The following VOPP1 variants were observed in gnomAD, a reference collection of about 807,000 sequenced individuals.
The protein encoded by VOPP1 is VOPP1 WW domain binding protein.
Under a neutral mutation model 23.5 loss-of-function variants are expected in VOPP1, and 8 were observed. That is an observed-to-expected ratio of 0.34 (90% CI 0.20 to 0.61). VOPP1 has a LOEUF of 0.61. VOPP1 is among the 20% of genes least tolerant of loss of function. The pLI is 0.78. For missense variants in VOPP1, 174 were observed against 238.1 expected, an observed-to-expected ratio of 0.73 and a Z score of 1.77; for synonymous variants, 83 against 97.3, an observed-to-expected ratio of 0.85 and a Z score of 0.86.
intron 4 of VOPP1, among the ~76,000 whole-genome samples, chr7:55,441,977 T>C (rs764578534): frequency 3.9e-5 from 6 of 152,236 alleles, no homozygotes; most frequent in Non-Finnish European, 8.8e-5. Flanking sequence ...ATTCTCTTTA[T>C]TGTAAGCTCT....
chr7:55,563,594 G>A (rs1177380771), intron 1 of VOPP1, among the ~76,000 whole-genome samples: 3 of 152,180 alleles, frequency 2.0e-5, no homozygotes, highest in Non-Finnish European at 2.9e-5. Flanking sequence ...TTGGGGATGG[G>A]ACCCAAGTCT....
chr7:55,553,186 T>A (rs1446001901), intron 1 of VOPP1, among the ~76,000 whole-genome samples: 1 of 152,264 alleles, frequency 6.6e-6, no homozygotes, highest in Admixed American at 6.5e-5. Flanking sequence ...TGTGTTGCCC[T>A]AGCAGGAGGC....
At chr7:55,480,062 C>G (rs1228601192) in intron 4 of VOPP1, among the ~76,000 whole-genome samples, 3 of 152,294 alleles carry the variant, frequency 2.0e-5, no homozygotes, top group Admixed American at 2.0e-4. Flanking sequence ...TTGCTTAATT[C>G]AGTTTCCTAA....
At chr7:55,503,678 G>A (rs77283547) in intron 2 of VOPP1, among the ~76,000 whole-genome samples, 3 of 152,156 alleles carry the variant, frequency 2.0e-5, no homozygotes, top group East Asian at 1.9e-4. Context: ...TGAAGCCCTC[G>A]TGACAGGGTT....
intron 3 of VOPP1, 60 bp downstream of exon 3, chr7:55,497,553 A>C: frequency 1.1e-6 from 1 of 936,780 alleles, no homozygotes; most frequent in Non-Finnish European, 1.4e-6. Context: ...GACAACACTG[A>C]TGGGGGGGGG....
chr7:55,508,249 C>T (rs560929657), intron 2 of VOPP1, among the ~76,000 whole-genome samples: 11 of 152,128 alleles, frequency 7.2e-5, no homozygotes, highest in Non-Finnish European at 2.9e-5. Flanking sequence ...TACTGCTGAA[C>T]TTTGGTAACT....
At chr7:55,484,366 T>C (rs941465675) in intron 4 of VOPP1, among the ~76,000 whole-genome samples, 1 of 152,224 alleles carries the variant, frequency 6.6e-6, no homozygotes, top group Non-Finnish European at 1.5e-5. Context: ...TGCCAGTCTT[T>C]CTTCACTGAA....
chr7:55,445,238 C>CAG (rs1188052819), intron 4 of VOPP1, among the ~76,000 whole-genome samples: 15 of 139,030 alleles, frequency 1.1e-4, no homozygotes, highest in Admixed American at 2.4e-4. Context: ...CAGACACACA[C>CAG]ACACAGACAC....
At position 55,542,727 on chromosome 7, in the gene VOPP1, T is replaced by A. The variant is rs184955137; in HGVS notation, c.55-21597A>T. On this transcript the variant is annotated intron_variant, in intron 1 of 4. Transcript: ENST00000285279. ...ATCACTTGAACCCTAGAAGCAGAGGTTGCAGTGAACCGAGATCGTGCCATT... is the reference window on the plus strand; with the variant it reads ...ATCACTTGAACCCTAGAAGCAGAGGATGCAGTGAACCGAGATCGTGCCATT... 1.9e-3 allele frequency among the ~76,000 whole-genome samples: 293 copies of A among 151,532 alleles called. 1 individual carries two copies. The highest frequency in any genetic ancestry group is 4.8e-3 in the Admixed American group (73 of 15,228).
intron 2 of VOPP1, among the ~76,000 whole-genome samples, chr7:55,507,959 G>C (rs938135915): frequency 2.0e-5 from 3 of 152,172 alleles, no homozygotes; most frequent in African/African-American, 7.2e-5. Flanking sequence ...CAGAGACACA[G>C]TTATCACCAG....
At chr7:55,458,716 A>G (rs909296750) in intron 4 of VOPP1, among the ~76,000 whole-genome samples, 1 of 152,042 alleles carries the variant, frequency 6.6e-6, no homozygotes, top group Non-Finnish European at 1.5e-5. Flanking sequence ...ATGCATCAAA[A>G]TACTACTAAT....
intron 3 of VOPP1, chr7:55,492,992 A>C (rs1413205392): frequency 6.6e-6 from 1 of 152,270 alleles, no homozygotes; most frequent in Non-Finnish European, 1.5e-5. Flanking sequence ...ATAGAAATAC[A>C]ATCAATGAAA....
chr7:55,523,608 GC>G (rs1462969808), intron 1 of VOPP1, among the ~76,000 whole-genome samples: 1 of 152,148 alleles, frequency 6.6e-6, no homozygotes. Context: ...ATGAGAGCTT[GC>G]CAGCTCCCCA....
intron 2 of VOPP1, among the ~76,000 whole-genome samples, chr7:55,520,828 G>C (rs530880994): frequency 6.6e-6 from 1 of 152,086 alleles, no homozygotes; most frequent in South Asian, 2.1e-4. Flanking sequence ...ACCCTCACAT[G>C]TGAGCTCACC....
chr7:55,484,555 C>T (rs750018358), intron 4 of VOPP1, among the ~76,000 whole-genome samples: 5 of 152,134 alleles, frequency 3.3e-5, no homozygotes, highest in East Asian at 1.9e-4. Context: ...ATTATTCGCA[C>T]GGGGTGAGCT....
intron 4 of VOPP1, among the ~76,000 whole-genome samples, chr7:55,437,916 C>T (rs6970736): frequency 0.28 from 40,473 of 143,236 alleles, 5,969 homozygotes; most frequent in Non-Finnish European, 0.33. Flanking sequence ...TTTTTGGAGA[C>T]GGAGTTTCTA....
chr7:55,540,137 C>T (rs1318695686), intron 1 of VOPP1, among the ~76,000 whole-genome samples: 1 of 152,008 alleles, frequency 6.6e-6, no homozygotes, highest in African/African-American at 2.4e-5. Context: ...CAGTGGCTCA[C>T]GCCTGTAATC....
chr7:55,540,689 A>C (rs1302997982), intron 1 of VOPP1, among the ~76,000 whole-genome samples: 1 of 152,196 alleles, frequency 6.6e-6, no homozygotes, highest in African/African-American at 2.4e-5. Flanking sequence ...CGCTGCCCTC[A>C]CAGAGCACTC....
intron 1 of VOPP1, among the ~76,000 whole-genome samples, chr7:55,569,825 C>T (rs1366182037): frequency 5.3e-5 from 8 of 152,260 alleles, no homozygotes; most frequent in Non-Finnish European, 1.0e-4. Flanking sequence ...GGACCTCTCA[C>T]TAACACAGAA....
Sources: allele counts gnomAD v4.1 joint callset (sites outside exome capture counted in the v4.1 genomes callset), GRCh38; gene constraint gnomAD v4.1.1; transcripts MANE v1.5; gene names NCBI Gene and HGNC (gene_info 2026-07-23, HGNC 2026-07-21).